EFNA2: variants seen among roughly 807,000 people sequenced by gnomAD.
EFNA2 encodes ephrin A2.
In EFNA2, 18 loss-of-function variants were observed where a neutral mutation model predicts 19.7. The ratio of observed to expected loss-of-function variants is 0.91; its 90% CI spans 0.63 to 1.35. The LOEUF (loss-of-function observed/expected upper bound fraction) is 1.35, where lower values mean the gene tolerates loss of function less well. Among genes scored for constraint, EFNA2 ranks in the 40% most tolerant of loss-of-function variants. The probability of loss-of-function intolerance (pLI) is 0.00; values close to 1 mark genes in which losing one functional copy is unlikely to be tolerated. For synonymous variants in EFNA2, 187 were observed against 137.8 expected, an observed-to-expected ratio of 1.36 and a Z score of -2.50; for missense variants, 303 against 296.0, an observed-to-expected ratio of 1.02 and a Z score of -0.17.
rs1484715284 is a variant in EFNA2 at position 1,300,495 on chromosome 19, C to T, written c.*550C>T. Among the ~76,000 whole-genome samples the T allele has an allele frequency of 6.7e-6, 1 of 148,362 alleles. No individual in the cohort carries two copies. Among genetic ancestry groups the T allele is most frequent in the African/African-American group, 2.5e-5 (1 of 40,700 alleles). ...CACCCCACTCGTGGGGGAACACAGC[C>T]GCTCCCCTCTGCTCTGCACCCCACT... On this transcript the variant is annotated 3_prime_UTR_variant, in exon 4 of 4. Coordinates refer to ENST00000215368, the MANE Select transcript of EFNA2 (RefSeq NM_001405.4).
In EFNA2 at chr19:1,294,243, C is replaced by T. The variant is rs549177996; in HGVS notation, c.141-1302C>T. Among the ~76,000 whole-genome samples, 3 of 152,324 alleles carry T rather than the reference C, an allele frequency of 2.0e-5. No individual in the cohort carries two copies. The highest frequency in any genetic ancestry group is 1.9e-4 in the East Asian group (1 of 5,174). The stretch of plus-strand genomic sequence containing the variant: ...CCCTCGTGCCCCGCTTGGTCCAGGC[C>T]GCCGGTTACATGACAGGGGCCCTGG... On this transcript the variant is annotated intron_variant, in intron 1 of 3. Transcript: ENST00000215368. This position sits in a 1 kb window ranked among gnomAD's most constrained non-coding sequence, Gnocchi z 5.8.
rs1429173397 is a variant in EFNA2 at position 1,296,180 on chromosome 19, C to T, written c.454+322C>T. Among the ~76,000 whole-genome samples the T allele has an allele frequency of 1.3e-5, 2 of 152,200 alleles. No individual in the cohort carries two copies. The highest frequency in any genetic ancestry group is 4.8e-5 in the African/African-American group (2 of 41,450). On this transcript the variant is annotated intron_variant, in intron 2 of 3. Coordinates refer to ENST00000215368, the MANE Select transcript of EFNA2 (RefSeq NM_001405.4). This position sits in a 1 kb window ranked among gnomAD's most constrained non-coding sequence, Gnocchi z 4.4. ...GGAGGCCAGGACTTTCCTCGTCCTT[C>T]GTTGCATATGGGGAAACTGAGGCTT... is the stretch of plus-strand genomic sequence containing the variant.
intron 1 of EFNA2, among the ~76,000 whole-genome samples, chr19:1,293,678 A>T (rs916573142): frequency 2.0e-5 from 3 of 152,204 alleles, no homozygotes; most frequent in African/African-American, 4.8e-5. Context: ...AGGGGTGATG[A>T]AGGAGGCCTG....
At position 1,296,448 on chromosome 19, in the gene EFNA2, G is replaced by A. The variant is rs191784312; in HGVS notation, c.454+590G>A. ...TCCCAGCACTTTGGGATGCCGAGGC[G>A]GGAGGATCACTTGAGGCCAGCGTGG... is the stretch of plus-strand genomic sequence containing the variant. On this transcript the variant is annotated intron_variant, in intron 2 of 3. Transcript: ENST00000215368. The surrounding 1 kb of genome is among the most constrained non-coding windows in gnomAD (Gnocchi z 4.4). Among the ~76,000 whole-genome samples, 30 of 152,272 alleles carry A rather than the reference G, an allele frequency of 2.0e-4. No individual in the cohort carries two copies. Among genetic ancestry groups the A allele is most frequent in the African/African-American group, 6.0e-4 (25 of 41,548 alleles).
Position 1,287,164 on chromosome 19 carries a change from A to G in EFNA2, c.140+856A>G, listed in dbSNP as rs531243833. Among the ~76,000 whole-genome samples, 4 of 152,324 alleles carry G rather than the reference A, an allele frequency of 2.6e-5. No individual in the cohort carries two copies. In the South Asian group the frequency reaches 8.3e-4, roughly 32 times the overall value. ...GAGAAGCCCCCGTTGGTCAGAGCAA[A>G]AAAAGTTTGCCGGGGCCTGGCCATG... On this transcript the variant is annotated intron_variant, in intron 1 of 3. Transcript: ENST00000215368. This position sits in a 1 kb window ranked among gnomAD's most constrained non-coding sequence, Gnocchi z 6.2.
chr19:1,299,582 CAAAA>C (rs76643561), intron 3 of EFNA2, among the ~76,000 whole-genome samples: 6 of 94,860 alleles, frequency 6.3e-5, no homozygotes, highest in Admixed American at 2.2e-4. Flanking sequence ...AAAAATAAAG[CAAAA>C]AAAAAAAAAA....
intron 1 of EFNA2, among the ~76,000 whole-genome samples, chr19:1,292,075 G>C (rs936944774): frequency 6.6e-6 from 1 of 152,254 alleles, no homozygotes; most frequent in South Asian, 2.1e-4. Context: ...GGGAGGATTT[G>C]CATATCGAGG....
At position 1,296,170 on chromosome 19, in the gene EFNA2, C is replaced by T. The variant is rs1234097926; in HGVS notation, c.454+312C>T. The stretch of plus-strand genomic sequence containing the variant: ...AACCATCCCGGGAGGCCAGGACTTT[C>T]CTCGTCCTTCGTTGCATATGGGGAA... On this transcript the variant is annotated intron_variant, in intron 2 of 3. Coordinates refer to ENST00000215368, the MANE Select transcript of EFNA2 (RefSeq NM_001405.4). The surrounding 1 kb of genome is among the most constrained non-coding windows in gnomAD (Gnocchi z 4.4). Among the ~76,000 whole-genome samples, 1 of 152,226 alleles carries T rather than the reference C, an allele frequency of 6.6e-6. No homozygotes were observed. Among genetic ancestry groups the T allele is most frequent in the Non-Finnish European group, 1.5e-5 (1 of 68,028 alleles).
rs1467556996 is a variant in EFNA2 at position 1,296,421 on chromosome 19, AATCCCAGCACTTTGGGAT to A, written c.454+564_454+581del. 6.6e-6 allele frequency among the ~76,000 whole-genome samples: 1 copy of A among 152,186 alleles called. No individual in the cohort carries two copies. The highest frequency in any genetic ancestry group is 2.4e-5 in the African/African-American group (1 of 41,442). On this transcript the variant is annotated intron_variant, in intron 2 of 3. Coordinates refer to ENST00000215368, the MANE Select transcript of EFNA2 (RefSeq NM_001405.4). This position sits in a 1 kb window ranked among gnomAD's most constrained non-coding sequence, Gnocchi z 4.4. ...GCTGAGTGCTGGGGCTTACTCCTGC[AATCCCAGCACTTTGGGAT>A]GCCGAGGCGGGAGGATCACTTGAGG...
In EFNA2 at chr19:1,295,893, A is replaced by G. The variant is rs1600060025; in HGVS notation, c.454+35A>G. ...GTCGGGCCGGGGCTGCCGGGGCCCG[A>G]GTGGGCGGGGACGCGGGGGCGGGGC... On this transcript the variant is annotated intron_variant, in intron 2 of 3. Transcript: ENST00000215368. The surrounding 1 kb of genome is among the most constrained non-coding windows in gnomAD (Gnocchi z 5.8). The G allele has an allele frequency of 9.1e-7, 1 of 1,097,486 alleles. No individual in the cohort carries two copies. Among genetic ancestry groups the G allele is most frequent in the Non-Finnish European group, 1.2e-6 (1 of 858,372 alleles). The allele number at this position is 1,097,486 out of a possible 1,614,324, so 68.0% of individuals were successfully genotyped here.
chr19:1,294,575 TC>T lies in EFNA2; in HGVS notation c.141-969del, dbSNP rs2081505468. Among the ~76,000 whole-genome samples, 1 of 151,492 alleles carries T rather than the reference TC, an allele frequency of 6.6e-6. No homozygotes were observed. Among genetic ancestry groups the T allele is most frequent in the African/African-American group, 2.4e-5 (1 of 41,118 alleles). On this transcript the variant is annotated intron_variant, in intron 1 of 3. Coordinates refer to ENST00000215368, the MANE Select transcript of EFNA2 (RefSeq NM_001405.4). The surrounding 1 kb of genome is among the most constrained non-coding windows in gnomAD (Gnocchi z 5.8). ...CAGATGTGAGAGGGTGGTATGGGGC[TC>T]GCAGGGTCACACAGGAAGGCAGGGG...
At chr19:1,291,244 C>A (rs1180190975) in intron 1 of EFNA2, among the ~76,000 whole-genome samples, 2 of 152,186 alleles carry the variant, frequency 1.3e-5, no homozygotes, top group South Asian at 2.1e-4. Context: ...TGGGGCTGAC[C>A]CTGCCCGGCC....
rs1337045825 is a variant in EFNA2, at chr19:1,287,385, C to T, written c.140+1077C>T. Among the ~76,000 whole-genome samples the T allele has an allele frequency of 6.6e-6, 1 of 152,114 alleles. No homozygotes were observed. The highest frequency in any genetic ancestry group is 1.5e-5 in the Non-Finnish European group (1 of 68,014). ...GCACATCGGGGGCTGAGGCGGCCCCCCCCCACTCTTCTGCTACTGGTCACT... is the reference window on the plus strand; with the variant it reads ...GCACATCGGGGGCTGAGGCGGCCCCTCCCCACTCTTCTGCTACTGGTCACT... On this transcript the variant is annotated intron_variant, in intron 1 of 3. Coordinates refer to ENST00000215368, the MANE Select transcript of EFNA2 (RefSeq NM_001405.4). The surrounding 1 kb of genome is among the most constrained non-coding windows in gnomAD (Gnocchi z 6.2).
rs376707445 is a variant in EFNA2 at position 1,294,685 on chromosome 19, G to A, written c.141-860G>A. On this transcript the variant is annotated intron_variant, in intron 1 of 3. Coordinates refer to ENST00000215368, the MANE Select transcript of EFNA2 (RefSeq NM_001405.4). The surrounding 1 kb of genome is among the most constrained non-coding windows in gnomAD (Gnocchi z 5.8). Reference sequence around the variant, plus strand: ...GGCTGAGAGAGAGGGGGCGGTGGGCGGAACTCTGGGGGTGCTGAGAGGAGG... The same window carrying A: ...GGCTGAGAGAGAGGGGGCGGTGGGCAGAACTCTGGGGGTGCTGAGAGGAGG... Among the ~76,000 whole-genome samples the A allele has an allele frequency of 1.3e-5, 2 of 151,928 alleles. No homozygotes were observed. The highest frequency in any genetic ancestry group is 3.9e-4 in the East Asian group (2 of 5,138).
At position 1,295,512 on chromosome 19, in the gene EFNA2, G is replaced by A. The variant is rs765841564; in HGVS notation, c.141-33G>A. 48 of 1,515,010 alleles carry A rather than the reference G, an allele frequency of 3.2e-5. No homozygotes were observed. The highest frequency in any genetic ancestry group is 6.5e-5 in the Admixed American group (3 of 45,852). 93.8% of individuals were successfully genotyped at this position (1,515,010 alleles called of 1,614,324 possible). A position where few individuals can be genotyped will look rare whatever the true frequency, so the allele number is the denominator to read the frequency against. Reference sequence around the variant, plus strand: ...CGACCCGTGCCCCGTTCCTCGCTCCGGGCGCTGACCTCTGGCCGCCTTGTC... The same window carrying A: ...CGACCCGTGCCCCGTTCCTCGCTCCAGGCGCTGACCTCTGGCCGCCTTGTC... On this transcript the variant is annotated intron_variant, in intron 1 of 3. Transcript: ENST00000215368. This position sits in a 1 kb window ranked among gnomAD's most constrained non-coding sequence, Gnocchi z 5.8.
chr19:1,292,414 C>T (rs551581226), intron 1 of EFNA2, among the ~76,000 whole-genome samples: 1 of 152,384 alleles, frequency 6.6e-6, no homozygotes, highest in East Asian at 1.9e-4. Context: ...TTTTAATTCA[C>T]TCATTATTGA....
chr19:1,292,421 T>C (rs2081495896), intron 1 of EFNA2, among the ~76,000 whole-genome samples: 3 of 152,252 alleles, frequency 2.0e-5, no homozygotes, highest in African/African-American at 4.8e-5. Flanking sequence ...TCACTCATTA[T>C]TGAGCACCAC....
At chr19:1,291,903 G>A (rs78683401) in intron 1 of EFNA2, among the ~76,000 whole-genome samples, 1 of 152,184 alleles carries the variant, frequency 6.6e-6, no homozygotes, top group African/African-American at 2.4e-5. Context: ...CTGCCTGGAG[G>A]CGTGGACTTT....
At position 1,295,714 on chromosome 19, in the gene EFNA2, C is replaced by T. The variant is rs758929701; in HGVS notation, c.310C>T (p.His104Tyr). 3.7e-6 allele frequency: 6 copies of T among 1,608,810 alleles called. No homozygotes were observed. Among genetic ancestry groups the T allele is most frequent in the Admixed American group, 1.7e-5 (1 of 59,640 alleles). Reference sequence around the variant, plus strand: ...CGGCGAGGGCCACGCCTCCTGCGACCACCGCCAGCGCGGCTTCAAGCGCTG... The same window carrying T: ...CGGCGAGGGCCACGCCTCCTGCGACTACCGCCAGCGCGGCTTCAAGCGCTG... ...VNGEGHASCD[H>Y]RQRGFKRWEC... Residue 104 changes from histidine to tyrosine, a missense_variant, in exon 2 of 4, where the codon CAC becomes TAC. By Grantham distance (83) the His-to-Tyr change is moderately conservative. Coordinates refer to ENST00000215368, the MANE Select transcript of EFNA2 (RefSeq NM_001405.4). The surrounding 1 kb of genome is among the most constrained non-coding windows in gnomAD (Gnocchi z 5.8).
Sources: allele counts gnomAD v4.1 joint callset (sites outside exome capture counted in the v4.1 genomes callset), GRCh38; gene constraint gnomAD v4.1.1; non-coding constraint Gnocchi (gnomAD v3.1); transcripts MANE v1.5; gene names NCBI Gene and HGNC (gene_info 2026-07-23, HGNC 2026-07-21).